The following CHST15 variants were observed in gnomAD, a reference collection of about 807,000 sequenced individuals.
CHST15 encodes carbohydrate sulfotransferase 15.
A neutral mutation model predicts 53.6 loss-of-function variants in CHST15; 30 were observed. The observed-to-expected ratio is 0.56, with a 90% CI of 0.42 to 0.76. The LOEUF is 0.76. Ranked by LOEUF, CHST15 falls within the 30% of genes least tolerant of loss-of-function variation. CHST15 has a pLI of 0.00. For missense variants in CHST15, 627 were observed against 740.5 expected, an observed-to-expected ratio of 0.85 and a Z score of 1.78; for synonymous variants, 296 against 289.8, an observed-to-expected ratio of 1.02 and a Z score of -0.22.
chr10:124,042,250 C>T (rs1323877719), intron 4 of CHST15, 51 bp downstream of exon 4: 2 of 1,563,848 alleles, frequency 1.3e-6, no homozygotes, highest in Non-Finnish European at 1.7e-6. Flanking sequence ...GAGCCAGAGC[C>T]AGGACCCCAG....
intron 3 of CHST15, 22 bp from the exon 4 acceptor site, chr10:124,042,469 AG>A: frequency 6.2e-7 from 1 of 1,610,822 alleles, no homozygotes; most frequent in Middle Eastern, 1.7e-4. Flanking sequence ...AAGAAGCAGG[AG>A]ATACTGAGGA....
intron 7 of CHST15, chr10:124,011,343 G>A: frequency 1.0e-6 from 1 of 961,190 alleles, no homozygotes; most frequent in Non-Finnish European, 1.2e-6. Context: ...GCTCATTAAT[G>A]GGACAGAGTC....
At chr10:124,067,639 C>T (rs748485381) in intron 1 of CHST15, among the ~76,000 whole-genome samples, 20 of 152,272 alleles carry the variant, frequency 1.3e-4, no homozygotes, top group South Asian at 4.1e-4. Flanking sequence ...TTTTTTGAGA[C>T]GGAGTGTTGC....
chr10:124,043,894 G>C (rs576623147), intron 3 of CHST15, among the ~76,000 whole-genome samples: 13 of 146,616 alleles, frequency 8.9e-5, no homozygotes, highest in African/African-American at 3.0e-4. Context: ...CAGAGGAACA[G>C]CACAGAGCAG....
Position 124,008,738 on chromosome 10 carries a change from G to A in CHST15, c.*1411C>T, listed in dbSNP as rs559633711. 236 of 1,146,272 alleles carry A rather than the reference G, an allele frequency of 2.1e-4. 1 individual carries two copies. Among genetic ancestry groups the A allele is most frequent in the Non-Finnish European group, 2.3e-4 (209 of 914,744 alleles). The allele number at this position is 1,146,272 out of a possible 1,614,324, so 71.0% of individuals were successfully genotyped here. A position where few individuals can be genotyped will look rare whatever the true frequency, so the allele number is the denominator to read the frequency against. ...CTTGCACTTTCTGGCTTTGGTGGGC[G>A]AGACCTTGGCCTGAGAACTTTGGTT... On this transcript the variant is annotated 3_prime_UTR_variant, in exon 8 of 8. Coordinates refer to ENST00000435907, the MANE Select transcript of CHST15 (RefSeq NM_001270764.2).
chr10:124,062,783 A>G (rs1948624537), intron 1 of CHST15, among the ~76,000 whole-genome samples: 1 of 152,158 alleles, frequency 6.6e-6, no homozygotes, highest in African/African-American at 2.4e-5. Context: ...CTGACAGTGA[A>G]GTGGCTGGCC....
intron 3 of CHST15, 85 bp from the exon 4 acceptor site, chr10:124,042,532 A>G (rs1947782246): frequency 6.7e-7 from 1 of 1,500,916 alleles, no homozygotes; most frequent in Non-Finnish European, 9.1e-7. Flanking sequence ...CCAAAGAGAG[A>G]TGGAAAGGCC....
At position 124,008,705 on chromosome 10, in the gene CHST15, G is replaced by T. The variant is rs1946333116; in HGVS notation, c.*1444C>A. 3 of 1,149,640 alleles carry T rather than the reference G, an allele frequency of 2.6e-6. No individual in the cohort carries two copies. Among genetic ancestry groups the T allele is most frequent in the Non-Finnish European group, 3.3e-6 (3 of 916,874 alleles). 71.2% of individuals were successfully genotyped at this position (1,149,640 alleles called of 1,614,324 possible). The stretch of plus-strand genomic sequence containing the variant: ...CACACATACAAGTTAGAGCTGGGTA[G>T]ACGGGTGCTTGCACTTTCTGGCTTT... On this transcript the variant is annotated 3_prime_UTR_variant, in exon 8 of 8. Coordinates refer to ENST00000435907, the MANE Select transcript of CHST15 (RefSeq NM_001270764.2).
rs758243657 is a variant in CHST15 at position 124,045,112 on chromosome 10, CAAAAAAAAAAAA to C, written c.547-205_547-194del. Reference sequence around the variant, plus strand: ...TGCTTTCCTCTCCCCCGCCGCCCCACAAAAAAAAAAAAAAAAAAAAAAAAAAAAAAAACTTGG... The same window carrying C: ...TGCTTTCCTCTCCCCCGCCGCCCCACAAAAAAAAAAAAAAAAAAAACTTGG... On this transcript the variant is annotated intron_variant, in intron 2 of 7. Coordinates refer to ENST00000435907, the MANE Select transcript of CHST15 (RefSeq NM_001270764.2). 3.0e-3 allele frequency among the ~76,000 whole-genome samples: 101 copies of C among 33,788 alleles called. 1 individual carries two copies. The highest frequency in any genetic ancestry group is 5.4e-3 in the African/African-American group (72 of 13,282). The allele number at this position is 33,788 out of a possible 152,430, so 22.2% of individuals were successfully genotyped here. A position where few individuals can be genotyped will look rare whatever the true frequency, so the allele number is the denominator to read the frequency against.
intron 1 of CHST15, among the ~76,000 whole-genome samples, chr10:124,047,107 G>A (rs1015849839): frequency 3.9e-5 from 6 of 152,186 alleles, no homozygotes; most frequent in African/African-American, 1.4e-4. Context: ...CTACAAATTT[G>A]AGGGATGGAT....
chr10:124,020,920 A>T, intron 6 of CHST15: 1 of 1,378,286 alleles, frequency 7.3e-7, no homozygotes, highest in Non-Finnish European at 9.3e-7. Context: ...TGCTCTTAAG[A>T]CAATTTGAGA....
chr10:124,081,216 C>CTAA (rs1207304446), intron 1 of CHST15, among the ~76,000 whole-genome samples: 7 of 152,354 alleles, frequency 4.6e-5, no homozygotes, highest in South Asian at 2.1e-4. Flanking sequence ...GACCACTGTG[C>CTAA]TAATTATCTG....
chr10:124,054,373 G>A (rs1346659374), intron 1 of CHST15, among the ~76,000 whole-genome samples: 2 of 152,186 alleles, frequency 1.3e-5, no homozygotes, highest in African/African-American at 4.8e-5. Flanking sequence ...TGTTAAGTTC[G>A]TCATCAACAT....
chr10:124,041,949 A>G (rs1275111554), intron 4 of CHST15, among the ~76,000 whole-genome samples: 2 of 152,226 alleles, frequency 1.3e-5, no homozygotes, highest in African/African-American at 4.8e-5. Flanking sequence ...AACTGCACTT[A>G]TAATTCCCCC....
Position 124,007,969 on chromosome 10 carries a change from C to T in CHST15, c.*2180G>A. The T allele has an allele frequency of 8.5e-7, 1 of 1,180,848 alleles. No individual in the cohort carries two copies. The highest frequency in any genetic ancestry group is 1.0e-6 in the Non-Finnish European group (1 of 971,866). The allele number at this position is 1,180,848 out of a possible 1,614,324, so 73.1% of individuals were successfully genotyped here. A position where few individuals can be genotyped will look rare whatever the true frequency, so the allele number is the denominator to read the frequency against. On this transcript the variant is annotated 3_prime_UTR_variant, in exon 8 of 8. Coordinates refer to ENST00000435907, the MANE Select transcript of CHST15 (RefSeq NM_001270764.2). ...CTCGAATGAGAGGAAGCAGAGGCAGCCGAAGTGCCCTCTGGAGAGAAAGGC... is the reference window on the plus strand; with the variant it reads ...CTCGAATGAGAGGAAGCAGAGGCAGTCGAAGTGCCCTCTGGAGAGAAAGGC...
intron 1 of CHST15, among the ~76,000 whole-genome samples, chr10:124,067,271 T>C (rs900293224): frequency 1.3e-5 from 2 of 152,242 alleles, no homozygotes; most frequent in African/African-American, 4.8e-5. Context: ...ACATCATTCG[T>C]GGAAATCTCT....
At chr10:124,045,059 G>C in intron 2 of CHST15, 140 bp from the exon 3 acceptor site, 1 of 267,562 alleles carries the variant, frequency 3.7e-6, no homozygotes, top group Non-Finnish European at 5.9e-6. Context: ...AACAAATAAA[G>C]CAAAACTTGG....
intron 6 of CHST15, among the ~76,000 whole-genome samples, chr10:124,016,643 C>T (rs1946594661): frequency 6.6e-6 from 1 of 152,178 alleles, no homozygotes; most frequent in African/African-American, 2.4e-5. Context: ...TGTCAAACGC[C>T]AGCAGACCCA....
At chr10:124,018,523 C>A (rs1222221780) in intron 6 of CHST15, among the ~76,000 whole-genome samples, 1 of 152,230 alleles carries the variant, frequency 6.6e-6, no homozygotes, top group Non-Finnish European at 1.5e-5. Context: ...TGTTCAGATT[C>A]GCCTCTGTGC....
Sources: gnomAD v4.1 joint callset for allele counts (sites outside exome capture counted in the v4.1 genomes callset) on GRCh38, gnomAD v4.1.1 for gene constraint, MANE v1.5 for transcripts, NCBI Gene and HGNC (gene_info 2026-07-23, HGNC 2026-07-21) for gene names.